NUMBL: variants seen among roughly 807,000 people sequenced by gnomAD.
NUMBL encodes NUMB like endocytic adaptor protein, also known as numb-like protein.
NUMBL carries 20 observed loss-of-function variants against 48.9 expected under a neutral mutation model. The observed-to-expected ratio is 0.41, with a 90% CI of 0.29 to 0.59. NUMBL has a LOEUF of 0.59. Among genes scored for constraint, NUMBL ranks in the 20% least tolerant of loss-of-function variants. The pLI, the probability that NUMBL is intolerant of heterozygous loss-of-function variation, is 0.31. For missense variants in NUMBL, 660 were observed against 846.2 expected, an observed-to-expected ratio of 0.78 and a Z score of 2.73; for synonymous variants, 340 against 348.7, an observed-to-expected ratio of 0.98 and a Z score of 0.28.
At chr19:40,684,603 G>T in intron 2 of NUMBL, 47 bp from the exon 3 acceptor site, 6 of 1,559,862 alleles carry the variant, frequency 3.8e-6, no homozygotes, top group Non-Finnish European at 5.2e-6. Context: ...GGGTCAGAAG[G>T]TATGGAGCTC....
chr19:40,669,819 T>C, intron 9 of NUMBL, 79 bp downstream of exon 9: 3 of 1,540,548 alleles, frequency 1.9e-6, no homozygotes, highest in Non-Finnish European at 2.6e-6. Context: ...ACCCCTGGAG[T>C]GTCTGGGTAG....
At position 40,677,393 on chromosome 19, in the gene NUMBL, C is replaced by T; in HGVS notation, c.569G>A (p.Cys190Tyr). The T allele has an allele frequency of 1.2e-6, 2 of 1,610,732 alleles. No homozygotes were observed. Among genetic ancestry groups the T allele is most frequent in the South Asian group, 2.2e-5 (2 of 91,050 alleles). The change falls in exon 7 of 10, where the codon TGT becomes TAT. Residue 190 changes from cysteine (C) to tyrosine (Y), a missense_variant. This residue lies in a region of NUMBL where 278 missense variants were observed against 420.6 expected (regional missense o/e 0.66). Transcript: ENST00000252891. ...SGERLSHAVG[C>Y]AFAACLERKQ... ...TCGCTCCAGGCAGGCGGCAAAAGCA[C>T]AGCCCACAGCGTGGCTCAGCCTCTC...
chr19:40,684,755 G>A (rs2081925524), intron 2 of NUMBL, 199 bp from the exon 3 acceptor site: 4 of 719,620 alleles, frequency 5.6e-6, no homozygotes, highest in Non-Finnish European at 8.6e-6. Context: ...ACAGAAGCCA[G>A]GGGAGTGCGA....
At chr19:40,670,569 A>G (rs2081842182) in intron 8 of NUMBL, among the ~76,000 whole-genome samples, 2 of 151,910 alleles carry the variant, frequency 1.3e-5, no homozygotes, top group Non-Finnish European at 2.9e-5. Flanking sequence ...GAGCAAAGGT[A>G]CCATCCAAAT....
chr19:40,682,184 T>C lies in NUMBL; in HGVS notation c.399+544A>G, dbSNP rs1599910995. Among the ~76,000 whole-genome samples, 1 of 152,008 alleles carries C rather than the reference T, an allele frequency of 6.6e-6. No homozygotes were observed. The highest frequency in any genetic ancestry group is 2.4e-5 in the African/African-American group (1 of 41,382). ...TCTTGTTGCCCAGGCTGGAGTGCAATGGCATGATCTCCGCTCACCGCAACC... is the reference window on the plus strand; with the variant it reads ...TCTTGTTGCCCAGGCTGGAGTGCAACGGCATGATCTCCGCTCACCGCAACC... On this transcript the variant is annotated intron_variant, in intron 5 of 9. Coordinates refer to ENST00000252891, the MANE Select transcript of NUMBL (RefSeq NM_004756.5). The surrounding 1 kb of genome is among the most constrained non-coding windows in gnomAD (Gnocchi z 4.0).
rs1415065507 is a variant in NUMBL, at chr19:40,666,706, A to T, written c.*762T>A. 2.0e-5 allele frequency: 3 copies of T among 152,568 alleles called. No homozygotes were observed. Among genetic ancestry groups the T allele is most frequent in the Admixed American group, 2.0e-4 (3 of 15,268 alleles). The allele number at this position is 152,568 out of a possible 1,614,324, so 9.5% of individuals were successfully genotyped here. On this transcript the variant is annotated 3_prime_UTR_variant, in exon 10 of 10. Transcript: ENST00000252891. ...AGGGGCACCATTATATTCTTCCTTT[A>T]TTGGCTGTCCTTGTATAATACAAAT... is the stretch of plus-strand genomic sequence containing the variant.
chr19:40,670,719 G>A (rs1026159832), intron 8 of NUMBL, among the ~76,000 whole-genome samples: 4 of 152,166 alleles, frequency 2.6e-5, no homozygotes, highest in Non-Finnish European at 4.4e-5. Flanking sequence ...CTGCGGGGGC[G>A]CCCGGGTGGG....
At chr19:40,680,538 T>G (rs569467291) in intron 6 of NUMBL, among the ~76,000 whole-genome samples, 4 of 152,050 alleles carry the variant, frequency 2.6e-5, no homozygotes, top group Non-Finnish European at 4.4e-5. Context: ...AACCTCCACC[T>G]CCCGGGCTCA....
chr19:40,689,600 GCAGA>G (rs1297063216), intron 1 of NUMBL: 1 of 152,652 alleles, frequency 6.6e-6, no homozygotes, highest in Admixed American at 6.5e-5. Flanking sequence ...CGCAGACACT[GCAGA>G]CAGACAGGGC....
chr19:40,677,557 C>A, intron 6 of NUMBL, 136 bp from the exon 7 acceptor site: 1 of 715,010 alleles, frequency 1.4e-6, no homozygotes, highest in Non-Finnish European at 2.3e-6. Flanking sequence ...CAGTGCTCAT[C>A]TGCACCACAA....
At position 40,667,999 on chromosome 19, in the gene NUMBL, T is replaced by TGC; in HGVS notation, c.1298_1299insGC (p.Gln434HisfsTer152). 4 of 534,598 alleles carry TGC rather than the reference T, an allele frequency of 7.5e-6. No homozygotes were observed. The highest frequency in any genetic ancestry group is 6.3e-5 in the African/African-American group (1 of 15,860). 33.1% of individuals were successfully genotyped at this position (534,598 alleles called of 1,614,324 possible). On this transcript the variant is annotated frameshift_variant, in exon 10 of 10. Transcript: ENST00000252891. LOFTEE classifies it low-confidence loss of function (END_TRUNC). The surrounding 1 kb of genome is among the most constrained non-coding windows in gnomAD (Gnocchi z 6.1). Reference sequence around the variant, plus strand: ...GCTGCTGCTGCTGCTGCTGTTGCTGTTGCTGCTGCTGCTGCTGCTGGGCCT... The same window carrying TGC: ...GCTGCTGCTGCTGCTGCTGTTGCTGTGCTGCTGCTGCTGCTGCTGCTGGGCCT...
At chr19:40,675,910 G>A (rs1203412777) in intron 7 of NUMBL, among the ~76,000 whole-genome samples, 1 of 151,356 alleles carries the variant, frequency 6.6e-6, no homozygotes, top group Non-Finnish European at 1.5e-5. Flanking sequence ...CTGTCACCCA[G>A]GTTGGAGTGT....
At chr19:40,686,118 C>G (rs1599914855) in intron 2 of NUMBL, 1 of 150,508 alleles carries the variant, frequency 6.6e-6, no homozygotes, top group Non-Finnish European at 1.5e-5. Context: ...AAATGTGGGT[C>G]TGTGTGTGTT....
intron 5 of NUMBL, among the ~76,000 whole-genome samples, chr19:40,681,558 C>A (rs1438189094): frequency 6.6e-6 from 1 of 152,144 alleles, no homozygotes; most frequent in East Asian, 1.9e-4. Context: ...CAAACAGATA[C>A]CTAGATTGTG....
intron 6 of NUMBL, among the ~76,000 whole-genome samples, chr19:40,679,567 A>G (rs2081894541): frequency 6.6e-6 from 1 of 152,110 alleles, no homozygotes; most frequent in Admixed American, 6.5e-5. Context: ...AATCCCAGCT[A>G]CTTGGGAGAC....
At chr19:40,671,399 G>A (rs1200881597) in intron 8 of NUMBL, among the ~76,000 whole-genome samples, 6 of 151,980 alleles carry the variant, frequency 3.9e-5, no homozygotes, top group Admixed American at 2.0e-4. Flanking sequence ...GTCTATGTGA[G>A]TATGTGAAAT....
rs184763487 is a variant in NUMBL at position 40,681,162 on chromosome 19, G to A, written c.400-105C>T. Reference sequence around the variant, plus strand: ...GAAATCCAGTCCTGAACAGGGTGGGGACCCAGCAGTCACTGAGACACCCTG... The same window carrying A: ...GAAATCCAGTCCTGAACAGGGTGGGAACCCAGCAGTCACTGAGACACCCTG... On this transcript the variant is annotated intron_variant, in intron 5 of 9. Transcript: ENST00000252891. The A allele has an allele frequency of 2.1e-5, 26 of 1,267,078 alleles. No homozygotes were observed. In the South Asian group the frequency reaches 2.9e-4, roughly 14 times the overall value. 78.5% of individuals were successfully genotyped at this position (1,267,078 alleles called of 1,614,324 possible). A position where few individuals can be genotyped will look rare whatever the true frequency, so the allele number is the denominator to read the frequency against.
chr19:40,687,045 C>G lies in NUMBL; in HGVS notation c.25-50G>C. ...TGAGAAGTTTGTCTGGGTTGGGGCT[C>G]AGTCTGATACTTCACCCCGACTTTG... On this transcript the variant is annotated intron_variant, in intron 1 of 9. Transcript: ENST00000252891. The surrounding 1 kb of genome is among the most constrained non-coding windows in gnomAD (Gnocchi z 4.6). The G allele has an allele frequency of 8.8e-7, 1 of 1,142,776 alleles. No individual in the cohort carries two copies. 70.8% of individuals were successfully genotyped at this position (1,142,776 alleles called of 1,614,324 possible).
Position 40,668,752 on chromosome 19 carries a change from C to T in NUMBL, c.1160-614G>A, listed in dbSNP as rs1036627486. On this transcript the variant is annotated intron_variant, in intron 9 of 9. Coordinates refer to ENST00000252891, the MANE Select transcript of NUMBL (RefSeq NM_004756.5). ...AGGATTACAGGCATGAGCCACCACA[C>T]CCAGCTGGTATTCACTATTTTGAAT... is the stretch of plus-strand genomic sequence containing the variant. 9.2e-5 allele frequency among the ~76,000 whole-genome samples: 14 copies of T among 152,204 alleles called. 1 individual carries two copies. The highest frequency in any genetic ancestry group is 2.9e-4 in the African/African-American group (12 of 41,458).
Sources: allele counts gnomAD v4.1 joint callset (sites outside exome capture counted in the v4.1 genomes callset), GRCh38; gene constraint gnomAD v4.1.1; regional missense constraint gnomAD v4.1.1; non-coding constraint Gnocchi (gnomAD v3.1); transcripts MANE v1.5; gene names NCBI Gene and HGNC (gene_info 2026-07-23, HGNC 2026-07-21).